The following INO80 variants were observed in gnomAD, a reference collection of about 807,000 sequenced individuals.
INO80 encodes the protein INO80 complex ATPase subunit.
In INO80, 20 loss-of-function variants were observed where a neutral mutation model predicts 203.4. That is an observed-to-expected ratio of 0.10 (90% CI 0.07 to 0.14). The LOEUF is 0.14. Among genes scored for constraint, INO80 ranks in the 10% least tolerant of loss-of-function variants. The pLI, the probability that INO80 is intolerant of heterozygous loss-of-function variation, is 1.00. For missense variants in INO80, 1,419 were observed against 1,914.4 expected, an observed-to-expected ratio of 0.74 and a Z score of 4.83; for synonymous variants, 726 against 685.2, an observed-to-expected ratio of 1.06 and a Z score of -0.93.
At chr15:41,069,762 CAAAT>C (rs2045281440) in intron 13 of INO80, 97 bp from the exon 14 acceptor site, 2 of 681,812 alleles carry the variant, frequency 2.9e-6, no homozygotes, top group South Asian at 1.9e-5. Flanking sequence ...GAATAGGAAA[CAAAT>C]AACAAGAGAA....
At chr15:41,049,654 G>A (rs2044831150) in intron 20 of INO80, among the ~76,000 whole-genome samples, 1 of 152,202 alleles carries the variant, frequency 6.6e-6, no homozygotes, top group South Asian at 2.1e-4. Context: ...GGGAGGCCGA[G>A]GCGGGTGGAT....
intron 29 of INO80, among the ~76,000 whole-genome samples, chr15:40,996,036 T>G (rs548187745): frequency 2.7e-5 from 4 of 149,962 alleles, no homozygotes; most frequent in African/African-American, 7.3e-5. Flanking sequence ...ATCAGATTAG[T>G]GAGAGAGAGA....
Position 41,085,535 on chromosome 15 carries a change from G to C in INO80, c.707C>G (p.Ser236Cys). The change falls in exon 7 of 36, where the codon TCC becomes TGC. Residue 236 changes from serine to cysteine, a missense_variant. This residue lies in a region of INO80 where 323 missense variants were observed against 325.4 expected (regional missense o/e 0.99). Transcript: ENST00000648947. ...ATGGCGACGAGGGGATTCTTCAGAG[G>C]AAAGTTCTTCATCTCTTCGTCTTTT... ...KKKRRRDEELSSEESPRRHHH... is the reference protein window; with the variant it reads ...KKKRRRDEELCSEESPRRHHH... 6.2e-7 allele frequency: 1 copy of C among 1,614,168 alleles called. No individual in the cohort carries two copies. Among genetic ancestry groups the C allele is most frequent in the Non-Finnish European group, 8.5e-7 (1 of 1,180,016 alleles).
chr15:41,081,088 A>G lies in INO80; in HGVS notation c.874-15T>C. On this transcript the variant is annotated splice_polypyrimidine_tract_variant and intron_variant, in intron 7 of 35. Transcript: ENST00000648947. ...TGCTTATTTGCCTAAAATATTTAAA[A>G]AACAATATTTCATTTAGGATTCATT... 1 of 1,517,540 alleles carries G rather than the reference A, an allele frequency of 6.6e-7. No individual in the cohort carries two copies. The highest frequency in any genetic ancestry group is 9.1e-7 in the Non-Finnish European group (1 of 1,093,312). The allele number at this position is 1,517,540 out of a possible 1,614,324, so 94.0% of individuals were successfully genotyped here. A position where few individuals can be genotyped will look rare whatever the true frequency, so the allele number is the denominator to read the frequency against.
intron 29 of INO80, among the ~76,000 whole-genome samples, chr15:40,991,563 G>A (rs900914371): frequency 1.3e-5 from 2 of 152,036 alleles, no homozygotes; most frequent in Non-Finnish European, 2.9e-5. Context: ...GATTTAACTA[G>A]GAAAGATTAA....
At chr15:41,047,017 G>T (rs1174507163) in intron 23 of INO80, among the ~76,000 whole-genome samples, 2 of 151,598 alleles carry the variant, frequency 1.3e-5, no homozygotes, top group Non-Finnish European at 2.9e-5. Flanking sequence ...ATCCAGGCTG[G>T]AGTGCAATGG....
intron 4 of INO80, among the ~76,000 whole-genome samples, chr15:41,092,615 T>C (rs905439036): frequency 3.3e-5 from 5 of 151,870 alleles, no homozygotes; most frequent in Non-Finnish European, 5.9e-5. Flanking sequence ...ATAAATAAAA[T>C]GTGGAATATC....
chr15:41,083,426 T>A (rs541647829), intron 7 of INO80, among the ~76,000 whole-genome samples: 1 of 151,668 alleles, frequency 6.6e-6, no homozygotes, highest in South Asian at 2.1e-4. Flanking sequence ...TTAAAACAGG[T>A]TGGGCATGGT....
chr15:41,074,151 C>T (rs1251555413), intron 10 of INO80, among the ~76,000 whole-genome samples: 1 of 152,108 alleles, frequency 6.6e-6, no homozygotes, highest in Non-Finnish European at 1.5e-5. Flanking sequence ...CCCAAACTTG[C>T]AAGATCATAT....
At chr15:41,062,557 T>C (rs1371835466) in intron 14 of INO80, among the ~76,000 whole-genome samples, 1 of 152,078 alleles carries the variant, frequency 6.6e-6, no homozygotes, top group Non-Finnish European at 1.5e-5. Context: ...AAGAATAAAA[T>C]AAATACATGA....
intron 29 of INO80, among the ~76,000 whole-genome samples, chr15:40,997,284 C>T (rs939731922): frequency 1.3e-5 from 2 of 151,696 alleles, no homozygotes; most frequent in East Asian, 3.9e-4. Context: ...TCTCAAAAAA[C>T]AAAAACAAAA....
chr15:41,096,489 G>C (rs2045725879), intron 1 of INO80, 136 bp from the exon 2 acceptor site: 4 of 506,994 alleles, frequency 7.9e-6, no homozygotes, highest in Admixed American at 8.2e-5. Flanking sequence ...TCTGCAGAAA[G>C]ATCATGATAA....
intron 7 of INO80, among the ~76,000 whole-genome samples, chr15:41,082,250 CAAAAAAA>C (rs60486605): frequency 1.8e-5 from 1 of 54,680 alleles, no homozygotes; most frequent in Non-Finnish European, 4.1e-5. Context: ...AACTCCGTCT[CAAAAAAA>C]AAAAAAAAAA....
At chr15:41,113,596 C>T (rs2045987601) in intron 1 of INO80, among the ~76,000 whole-genome samples, 1 of 152,074 alleles carries the variant, frequency 6.6e-6, no homozygotes, top group South Asian at 2.1e-4. Flanking sequence ...GAACCTCTAA[C>T]ACCACAGCTT....
intron 1 of INO80, among the ~76,000 whole-genome samples, chr15:41,097,811 G>A (rs1414599794): frequency 6.6e-6 from 1 of 151,666 alleles, no homozygotes; most frequent in Admixed American, 6.6e-5. Flanking sequence ...AAATTAGCTG[G>A]GCATGGTGGC....
intron 14 of INO80, among the ~76,000 whole-genome samples, chr15:41,064,292 T>C (rs1457716117): frequency 1.3e-5 from 2 of 152,304 alleles, no homozygotes; most frequent in East Asian, 3.9e-4. Flanking sequence ...TCATAAAAAG[T>C]TTCTTTTACC....
chr15:41,104,964 A>G (rs1020990091), intron 1 of INO80, among the ~76,000 whole-genome samples: 4 of 152,220 alleles, frequency 2.6e-5, no homozygotes, highest in African/African-American at 9.6e-5. Context: ...CAGTGTGGGT[A>G]GTAACAGACA....
intron 24 of INO80, among the ~76,000 whole-genome samples, chr15:41,038,904 T>C (rs2044623936): frequency 6.6e-6 from 1 of 152,202 alleles, no homozygotes; most frequent in African/African-American, 2.4e-5. Flanking sequence ...CTACTTCTCA[T>C]GGCTTCACAT....
intron 29 of INO80, among the ~76,000 whole-genome samples, chr15:40,990,207 A>G (rs1416737350): frequency 6.6e-6 from 1 of 152,130 alleles, no homozygotes; most frequent in African/African-American, 2.4e-5. Flanking sequence ...GGAGTGACCT[A>G]ACAGTCTCCC....
Sources: allele counts gnomAD v4.1 joint callset (sites outside exome capture counted in the v4.1 genomes callset), GRCh38; gene constraint gnomAD v4.1.1; regional missense constraint gnomAD v4.1.1; transcripts MANE v1.5; gene names NCBI Gene and HGNC (gene_info 2026-07-23, HGNC 2026-07-21).